Variants in HSDL2 observed in about 807,000 individuals in gnomAD.
HSDL2 encodes the protein hydroxysteroid dehydrogenase like 2, also known as hydroxysteroid dehydrogenase-like protein 2.
A neutral mutation model predicts 46.3 loss-of-function variants in HSDL2; 27 were observed. The observed-to-expected ratio is 0.58, with a 90% CI of 0.43 to 0.80. The LOEUF is 0.80. Among genes scored for constraint, HSDL2 ranks in the 30% least tolerant of loss-of-function variants. HSDL2 has a pLI of 0.00. For missense variants in HSDL2, 451 were observed against 502.7 expected (o/e 0.90, Z 0.98); for synonymous variants, 153 against 163.6 (o/e 0.94, Z 0.50).
chr9:112,425,268 C>T (rs988439402), intron 6 of HSDL2, among the ~76,000 whole-genome samples: 5 of 152,204 alleles, frequency 3.3e-5, no homozygotes, highest in Admixed American at 2.6e-4. Context: ...ATGTTCCTAT[C>T]TACTAAGTGG....
At chr9:112,449,461 C>A (rs536360833) in intron 8 of HSDL2, among the ~76,000 whole-genome samples, 116 of 152,144 alleles carry the variant, frequency 7.6e-4, no homozygotes, top group Non-Finnish European at 1.1e-3. Flanking sequence ...TATTTTTTCT[C>A]AAAAGCACCA....
rs190894481 is a variant in HSDL2 at position 112,397,594 on chromosome 9, C to T, written c.18-6401C>T. On this transcript the variant is annotated intron_variant, in intron 1 of 10. Coordinates refer to ENST00000398805, the MANE Select transcript of HSDL2 (RefSeq NM_032303.5). ...TGTTCCATGGTGAGAGCATCAAAGCCTAATTGGGAGGTAGTGTCAGAGTAA... is the reference window on the plus strand; with the variant it reads ...TGTTCCATGGTGAGAGCATCAAAGCTTAATTGGGAGGTAGTGTCAGAGTAA... Among the ~76,000 whole-genome samples, 41 of 152,250 alleles carry T rather than the reference C, an allele frequency of 2.7e-4. No homozygotes were observed. The East Asian group carries it at 6.4e-3, about 24-fold the overall frequency.
At chr9:112,450,447 T>C (rs1246350875) in intron 8 of HSDL2, among the ~76,000 whole-genome samples, 1 of 151,920 alleles carries the variant, frequency 6.6e-6, no homozygotes, top group Non-Finnish European at 1.5e-5. Flanking sequence ...CTGGCCAGCA[T>C]GGTGAAACCC....
chr9:112,404,529 A>AT (rs1420200206), intron 2 of HSDL2, among the ~76,000 whole-genome samples: 1 of 151,554 alleles, frequency 6.6e-6, no homozygotes, highest in African/African-American at 2.4e-5. Context: ...GCGAGACTCC[A>AT]TCTCTTAAAA....
chr9:112,389,762 T>C (rs1831296878), intron 1 of HSDL2, among the ~76,000 whole-genome samples: 1 of 152,180 alleles, frequency 6.6e-6, no homozygotes, highest in African/African-American at 2.4e-5. Flanking sequence ...AGTTAGATAA[T>C]GAGATTCTAA....
At chr9:112,405,560 T>C in intron 2 of HSDL2, 64 bp from the exon 3 acceptor site, 2 of 1,146,588 alleles carry the variant, frequency 1.7e-6, no homozygotes, top group South Asian at 2.7e-5. Context: ...GACTGTGATA[T>C]TGGAATTAAA....
At chr9:112,401,037 A>G (rs780252609) in intron 1 of HSDL2, among the ~76,000 whole-genome samples, 2 of 152,182 alleles carry the variant, frequency 1.3e-5, no homozygotes, top group African/African-American at 2.4e-5. Flanking sequence ...CAGGGAGATA[A>G]GGCCGGGGTT....
At chr9:112,419,881 A>C (rs901934140) in intron 6 of HSDL2, among the ~76,000 whole-genome samples, 3 of 152,194 alleles carry the variant, frequency 2.0e-5, no homozygotes, top group Non-Finnish European at 4.4e-5. Flanking sequence ...GAAAGCCAGC[A>C]AAAATGAGAA....
intron 8 of HSDL2, 106 bp from the exon 9 acceptor site, chr9:112,453,907 C>A: frequency 1.8e-6 from 2 of 1,090,902 alleles, no homozygotes; most frequent in South Asian, 1.7e-5. Context: ...TCATTTTGGT[C>A]AAATAGGTCT....
At chr9:112,416,370 A>G (rs1201795606) in intron 4 of HSDL2, among the ~76,000 whole-genome samples, 1 of 151,704 alleles carries the variant, frequency 6.6e-6, no homozygotes, top group Non-Finnish European at 1.5e-5. Flanking sequence ...CAGAGGCTAC[A>G]ATGAGATGTG....
chr9:112,427,665 C>A (rs943856805), intron 6 of HSDL2, among the ~76,000 whole-genome samples: 1 of 152,056 alleles, frequency 6.6e-6, no homozygotes, highest in Non-Finnish European at 1.5e-5. Context: ...CCACTTATTT[C>A]TTGAAAAACC....
At chr9:112,432,432 G>A (rs553911629) in intron 6 of HSDL2, among the ~76,000 whole-genome samples, 240 of 152,290 alleles carry the variant, frequency 1.6e-3, no homozygotes, top group African/African-American at 5.6e-3. Flanking sequence ...TATAGTCATT[G>A]TAGACATTCA....
intron 6 of HSDL2, among the ~76,000 whole-genome samples, chr9:112,420,332 T>C (rs4979113): frequency 0.42 from 63,451 of 151,694 alleles, 13,378 homozygotes; most frequent in Middle Eastern, 0.51. Context: ...CAACAAAATA[T>C]GTAAATGGCA....
chr9:112,465,059 T>TAGTAG (rs2132714915), intron 10 of HSDL2, among the ~76,000 whole-genome samples: 1 of 152,358 alleles, frequency 6.6e-6, no homozygotes, highest in South Asian at 2.1e-4. Context: ...TTCATCCTTG[T>TAGTAG]AGTAGCATGT....
At position 112,430,524 on chromosome 9, in the gene HSDL2, A is replaced by G. The variant is rs146171085; in HGVS notation, c.599-7907A>G. Among the ~76,000 whole-genome samples, 96 of 152,310 alleles carry G rather than the reference A, an allele frequency of 6.3e-4. 1 individual carries two copies. The highest frequency in any genetic ancestry group is 2.2e-3 in the African/African-American group (92 of 41,572). ...GGACCTGATCAAACCTAAATGTTTA[A>G]AAAACCTCTCTGGCTGTTCTGATGA... On this transcript the variant is annotated intron_variant, in intron 6 of 10. Coordinates refer to ENST00000398805, the MANE Select transcript of HSDL2 (RefSeq NM_032303.5).
At position 112,416,957 on chromosome 9, in the gene HSDL2, T is replaced by TG; in HGVS notation, c.499+15dup. 2 of 1,306,922 alleles carry TG rather than the reference T, an allele frequency of 1.5e-6. No homozygotes were observed. Among genetic ancestry groups the TG allele is most frequent in the Non-Finnish European group, 2.2e-6 (2 of 906,804 alleles). 81.0% of individuals were successfully genotyped at this position (1,306,922 alleles called of 1,614,324 possible). On this transcript the variant is annotated intron_variant, in intron 5 of 10. Coordinates refer to ENST00000398805, the MANE Select transcript of HSDL2 (RefSeq NM_032303.5). ...AAACAGCACTGTGGTAGGTGGTAGG[T>TG]GGTAGGGTGAGGGGATGGTTTGTGC...
chr9:112,431,575 A>G (rs1278903913), intron 6 of HSDL2, among the ~76,000 whole-genome samples: 1 of 152,074 alleles, frequency 6.6e-6, no homozygotes, highest in Non-Finnish European at 1.5e-5. Context: ...GTGGGAGGTG[A>G]TTGGATCATG....
chr9:112,452,485 G>A (rs1373525058), intron 8 of HSDL2, among the ~76,000 whole-genome samples: 2 of 152,018 alleles, frequency 1.3e-5, no homozygotes, highest in African/African-American at 2.4e-5. Flanking sequence ...GGTGGCTCAC[G>A]CCTGCAATCC....
chr9:112,462,421 CCA>C (rs1833237512), intron 10 of HSDL2, among the ~76,000 whole-genome samples: 1 of 148,794 alleles, frequency 6.7e-6, no homozygotes, highest in Non-Finnish European at 1.5e-5. Flanking sequence ...TGAGATCGAG[CCA>C]CCGCACTCCA....
Sources: gnomAD v4.1 joint callset for allele counts (sites outside exome capture counted in the v4.1 genomes callset) on GRCh38, gnomAD v4.1.1 for gene constraint, MANE v1.5 for transcripts, NCBI Gene and HGNC (gene_info 2026-07-23, HGNC 2026-07-21) for gene names.